TGFBR3: variants seen among roughly 807,000 people sequenced by gnomAD.
TGFBR3 encodes the protein transforming growth factor beta receptor 3, also known as transforming growth factor beta receptor type 3.
In TGFBR3, 46 loss-of-function variants were observed where a neutral mutation model predicts 87.9. That is an observed-to-expected ratio of 0.52 (90% CI 0.41 to 0.67). TGFBR3 has a LOEUF of 0.67. Among genes scored for constraint, TGFBR3 ranks in the 30% least tolerant of loss-of-function variants. TGFBR3 has a pLI of 0.00. For synonymous variants in TGFBR3, 381 were observed against 391.6 expected (o/e 0.97, Z 0.32); for missense variants, 866 against 1,041.9 (o/e 0.83, Z 2.32).
chr1:91,739,402 C>G, intron 4 of TGFBR3, among the ~76,000 whole-genome samples: 1 of 152,128 alleles, frequency 6.6e-6, no homozygotes. Context: ...AATGCAAAGT[C>G]TTATAGTTAT....
In TGFBR3 at chr1:91,823,794, A is replaced by G. The variant is rs375806173; in HGVS notation, c.62-26323T>C. 4.6e-5 allele frequency among the ~76,000 whole-genome samples: 7 copies of G among 152,362 alleles called. No individual in the cohort carries two copies. In the East Asian group the frequency reaches 5.8e-4, roughly 13 times the overall value. On this transcript the variant is annotated intron_variant, in intron 2 of 16. Coordinates refer to ENST00000212355, the MANE Select transcript of TGFBR3 (RefSeq NM_003243.5). ...ATCTTGATTGCAGTGGTGATTGCAC[A>G]GGCATATGTATTCATTAATACTCAT... is the stretch of plus-strand genomic sequence containing the variant.
At chr1:91,743,238 G>A (rs367666204) in intron 4 of TGFBR3, among the ~76,000 whole-genome samples, 27 of 152,238 alleles carry the variant, frequency 1.8e-4, no homozygotes, top group African/African-American at 6.5e-4. Context: ...CCTCCCCAAC[G>A]TTGGTTTAGT....
At chr1:91,821,257 G>A (rs549237414) in intron 2 of TGFBR3, among the ~76,000 whole-genome samples, 24 of 150,102 alleles carry the variant, frequency 1.6e-4, no homozygotes, top group Non-Finnish European at 3.1e-4. Flanking sequence ...TTGAACCTGG[G>A]AGACAGAAGT....
At chr1:91,704,819 G>A (rs946731891) in intron 14 of TGFBR3, among the ~76,000 whole-genome samples, 1 of 152,188 alleles carries the variant, frequency 6.6e-6, no homozygotes, top group Non-Finnish European at 1.5e-5. Context: ...CAGTGGCCCA[G>A]AGGAGGAATC....
chr1:91,878,762 G>A (rs1678955928), intron 1 of TGFBR3, among the ~76,000 whole-genome samples: 1 of 152,198 alleles, frequency 6.6e-6, no homozygotes, highest in Non-Finnish European at 1.5e-5. Context: ...CAAAAAACCT[G>A]ACCTTCGGCA....
intron 1 of TGFBR3, among the ~76,000 whole-genome samples, chr1:91,871,379 T>C (rs949750752): frequency 6.6e-6 from 1 of 152,140 alleles, no homozygotes; most frequent in Non-Finnish European, 1.5e-5. Context: ...TCAACAAACA[T>C]TTATTAGCGC....
intron 6 of TGFBR3, 189 bp from the exon 7 acceptor site, chr1:91,727,995 TAGAAACA>T: frequency 1.6e-6 from 1 of 640,460 alleles, no homozygotes; most frequent in Non-Finnish European, 2.7e-6. Context: ...TACATAACAA[TAGAAACA>T]TATGCTTGCT....
rs567779408 is a variant in TGFBR3 at position 91,777,391 on chromosome 1, A to G, written c.247-18641T>C. The stretch of plus-strand genomic sequence containing the variant: ...TGCCAAGGTACTTGCTGTCCTCAAC[A>G]TATTTCATACTCAACTCGGCTCTAT... On this transcript the variant is annotated intron_variant, in intron 3 of 16. Coordinates refer to ENST00000212355, the MANE Select transcript of TGFBR3 (RefSeq NM_003243.5). Among the ~76,000 whole-genome samples, 4 of 152,278 alleles carry G rather than the reference A, an allele frequency of 2.6e-5. No individual in the cohort carries two copies. In the East Asian group the frequency reaches 7.7e-4, roughly 29 times the overall value.
intron 3 of TGFBR3, among the ~76,000 whole-genome samples, chr1:91,780,057 G>T (rs960910375): frequency 2.6e-5 from 4 of 152,094 alleles, no homozygotes; most frequent in Non-Finnish European, 5.9e-5. Context: ...GTCTTATAAG[G>T]ATACATGTGA....
rs35620891 is a variant in TGFBR3, at chr1:91,705,225, CTTTTT to C, written c.2287+3433_2287+3437del. Among the ~76,000 whole-genome samples the C allele has an allele frequency of 6.4e-4, 87 of 135,944 alleles. 1 individual carries two copies. Among genetic ancestry groups the C allele is most frequent in the African/African-American group, 2.3e-3 (84 of 36,276 alleles). The allele number at this position is 135,944 out of a possible 152,430, so 89.2% of individuals were successfully genotyped here. A position where few individuals can be genotyped will look rare whatever the true frequency, so the allele number is the denominator to read the frequency against. Reference sequence around the variant, plus strand: ...TAGGCAAATGGTCACAGTCTCTTTTCTTTTTTTTTTTTTTTTTGAGACAGAGTTTT... The same window carrying C: ...TAGGCAAATGGTCACAGTCTCTTTTCTTTTTTTTTTTTGAGACAGAGTTTT... On this transcript the variant is annotated intron_variant, in intron 14 of 16. Coordinates refer to ENST00000212355, the MANE Select transcript of TGFBR3 (RefSeq NM_003243.5).
upstream of TGFBR3, among the ~76,000 whole-genome samples, chr1:91,887,262 T>TTTTTTTTTTTTTG (rs1165045165): frequency 4.7e-3 from 592 of 125,206 alleles, 76 homozygotes; most frequent in African/African-American, 0.014. Flanking sequence ...TTTTTTTTTT[T>TTTTTTTTTTTTTG]TGAGATGGAG....
chr1:91,692,995 T>C (rs1428353102), intron 16 of TGFBR3, among the ~76,000 whole-genome samples: 1 of 152,236 alleles, frequency 6.6e-6, no homozygotes, highest in Admixed American at 6.5e-5. Flanking sequence ...CAATCACTGT[T>C]GAAATTGAAC....
intron 1 of TGFBR3, among the ~76,000 whole-genome samples, chr1:91,902,084 CT>C (rs1679733231): frequency 6.6e-6 from 1 of 152,012 alleles, no homozygotes. Flanking sequence ...TTAATTGCCC[CT>C]ACATCCTTAT....
At chr1:91,804,938 C>T (rs976942913) in intron 2 of TGFBR3, among the ~76,000 whole-genome samples, 2 of 152,194 alleles carry the variant, frequency 1.3e-5, no homozygotes, top group Admixed American at 6.5e-5. Flanking sequence ...TGTGTTACCA[C>T]GTAAGGATCA....
upstream of TGFBR3, chr1:91,886,353 A>G (rs1419029519): frequency 8.3e-6 from 3 of 359,542 alleles, no homozygotes; most frequent in African/African-American, 6.5e-5. Flanking sequence ...TCCGCGGCTG[A>G]TGGATGAGCC....
chr1:91,755,386 C>T (rs956273121), intron 4 of TGFBR3, among the ~76,000 whole-genome samples: 3 of 152,052 alleles, frequency 2.0e-5, no homozygotes, highest in African/African-American at 4.8e-5. Flanking sequence ...GATGTGAGAA[C>T]GTGAATGAAC....
intron 16 of TGFBR3, among the ~76,000 whole-genome samples, chr1:91,687,262 T>C (rs916229470): frequency 6.6e-6 from 1 of 152,116 alleles, no homozygotes; most frequent in East Asian, 1.9e-4. Flanking sequence ...GAGACTGCAG[T>C]GAGCTATGAT....
intron 3 of TGFBR3, 88 bp downstream of exon 3, chr1:91,797,199 C>T: frequency 7.1e-7 from 1 of 1,411,906 alleles, no homozygotes; most frequent in South Asian, 1.2e-5. Flanking sequence ...TTTTGTTGAA[C>T]CCCAGAAGAG....
At chr1:91,759,811 T>A (rs1169543706) in intron 3 of TGFBR3, among the ~76,000 whole-genome samples, 3 of 152,204 alleles carry the variant, frequency 2.0e-5, no homozygotes, top group African/African-American at 7.2e-5. Flanking sequence ...TAATAGTACA[T>A]CTCAGCTAGA....
Sources: gnomAD v4.1 joint callset for allele counts (sites outside exome capture counted in the v4.1 genomes callset) on GRCh38, gnomAD v4.1.1 for gene constraint, MANE v1.5 for transcripts, NCBI Gene and HGNC (gene_info 2026-07-23, HGNC 2026-07-21) for gene names.